Variants in RBM11 observed in about 807,000 individuals in gnomAD.
RBM11 encodes splicing regulator RBM11.
A neutral mutation model predicts 21.4 loss-of-function variants in RBM11; 18 were observed. The observed-to-expected ratio is 0.84, with a 90% CI of 0.58 to 1.25. The LOEUF (loss-of-function observed/expected upper bound fraction) is 1.25. Among genes scored for constraint, RBM11 ranks in the 50% most tolerant of loss-of-function variants. The pLI is 0.00. For missense variants in RBM11, 294 were observed against 331.9 expected (o/e 0.89, Z 0.89); for synonymous variants, 120 against 116.3 (o/e 1.03, Z -0.20).
chr21:14,228,328 A>G lies in RBM11; in HGVS notation c.*1035A>G, dbSNP rs1600970671. The G allele has an allele frequency of 6.6e-6, 1 of 152,132 alleles. No homozygotes were observed. Among genetic ancestry groups the G allele is most frequent in the African/African-American group, 2.4e-5 (1 of 41,446 alleles). The allele number at this position is 152,132 out of a possible 1,614,324, so 9.4% of individuals were successfully genotyped here. A position where few individuals can be genotyped will look rare whatever the true frequency, so the allele number is the denominator to read the frequency against. ...TCTTTTGCATGTTGCCTAGCATTTT[A>G]TAGATATTTATTATTTAAAAAAATA... On this transcript the variant is annotated 3_prime_UTR_variant, in exon 5 of 5. Transcript: ENST00000400577.
At position 14,228,184 on chromosome 21, in the gene RBM11, T is replaced by C. The variant is rs1422145925; in HGVS notation, c.*891T>C. The C allele has an allele frequency of 6.6e-6, 1 of 152,166 alleles. No individual in the cohort carries two copies. Among genetic ancestry groups the C allele is most frequent in the Non-Finnish European group, 1.5e-5 (1 of 68,036 alleles). 9.4% of individuals were successfully genotyped at this position (152,166 alleles called of 1,614,324 possible). ...AAAATTATTTGGGCATTTTTGTTTA[T>C]AGCTCATTACAAACTAGAGTGATGA... On this transcript the variant is annotated 3_prime_UTR_variant, in exon 5 of 5. Transcript: ENST00000400577.
chr21:14,220,540 T>G (rs1186031519), intron 2 of RBM11, among the ~76,000 whole-genome samples: 1 of 152,182 alleles, frequency 6.6e-6, no homozygotes, highest in Non-Finnish European at 1.5e-5. Context: ...CTCTTTGCAT[T>G]TCTTTTTTTC....
intron 3 of RBM11, among the ~76,000 whole-genome samples, chr21:14,222,088 C>CT (rs1978712202): frequency 6.6e-6 from 1 of 151,986 alleles, no homozygotes; most frequent in African/African-American, 2.4e-5. Flanking sequence ...TTTGCATTCT[C>CT]TTTGCATTTC....
At chr21:14,222,991 G>A (rs957914144) in intron 3 of RBM11, among the ~76,000 whole-genome samples, 1 of 152,162 alleles carries the variant, frequency 6.6e-6, no homozygotes, top group Admixed American at 6.5e-5. Context: ...GTGGGAAAAG[G>A]TATCTCTTCT....
chr21:14,219,643 C>A lies in RBM11; in HGVS notation c.177C>A (p.His59Gln). Reference sequence around the variant, plus strand: ...CTTTTGGATTTGTCTGCTTTAAACACCCAGAATCGGTGTCTTATGCCATAG... The same window carrying A: ...CTTTTGGATTTGTCTGCTTTAAACAACCAGAATCGGTGTCTTATGCCATAG... ...PKSFGFVCFK[H>Q]PESVSYAIAL... Residue 59 changes from histidine to glutamine, a missense_variant, in exon 2 of 5, where the codon CAC becomes CAA. By Grantham distance (24) the His-to-Gln change is conservative (BLOSUM62 0). Around this residue, in one of 2 missense-constraint regions of RBM11, gnomAD observed 181 missense variants for 164.6 expected, o/e 1.10. Transcript: ENST00000400577. 3 of 1,607,684 alleles carry A rather than the reference C, an allele frequency of 1.9e-6. No homozygotes were observed. Among genetic ancestry groups the A allele is most frequent in the Non-Finnish European group, 2.6e-6 (3 of 1,175,700 alleles).
At chr21:14,226,822 A>AT in intron 4 of RBM11, 58 bp from the exon 5 acceptor site, 2 of 1,545,018 alleles carry the variant, frequency 1.3e-6, no homozygotes, top group South Asian at 1.3e-5. Flanking sequence ...TAAACTGTTA[A>AT]TTTTTTTTCC....
intron 3 of RBM11, among the ~76,000 whole-genome samples, chr21:14,223,760 C>T (rs995987439): frequency 3.3e-5 from 5 of 152,090 alleles, no homozygotes; most frequent in African/African-American, 1.2e-4. Context: ...GCTATGCCCT[C>T]ATGTATATTT....
intron 1 of RBM11, among the ~76,000 whole-genome samples, chr21:14,217,207 A>G (rs188910780): frequency 1.2e-4 from 18 of 152,316 alleles, no homozygotes; most frequent in African/African-American, 4.1e-4. Flanking sequence ...AAAAGAGAGT[A>G]GTAGTATCTG....
At chr21:14,224,130 T>G (rs1978896256) in intron 3 of RBM11, among the ~76,000 whole-genome samples, 1 of 152,232 alleles carries the variant, frequency 6.6e-6, no homozygotes, top group Non-Finnish European at 1.5e-5. Context: ...TTCCCCTTTT[T>G]AATCAGGATA....
In RBM11 at chr21:14,219,685, T is replaced by A; in HGVS notation, c.219T>A (p.Ile73=). ...VSYAIALLNG[I]RLYGRPINVQ... ...ATGCCATAGCTTTGCTGAATGGAAT[T>A]CGTTTATATGGAAGACCAATTAACG... The change falls in exon 2 of 5, where the codon ATT becomes ATA. Residue 73 remains isoleucine (I), a synonymous_variant. Coordinates refer to ENST00000400577, the MANE Select transcript of RBM11 (RefSeq NM_144770.5). 1 of 1,607,026 alleles carries A rather than the reference T, an allele frequency of 6.2e-7. No homozygotes were observed. Among genetic ancestry groups the A allele is most frequent in the Non-Finnish European group, 8.5e-7 (1 of 1,175,268 alleles).
intron 1 of RBM11, 72 bp from the exon 2 acceptor site, chr21:14,219,491 G>T: frequency 8.4e-7 from 1 of 1,187,748 alleles, no homozygotes; most frequent in Admixed American, 3.0e-5. Flanking sequence ...TTAGTCTAAA[G>T]TTGAATTTAC....
intron 1 of RBM11, among the ~76,000 whole-genome samples, chr21:14,218,648 AT>A (rs774024820): frequency 1.8e-4 from 27 of 152,168 alleles, no homozygotes; most frequent in Non-Finnish European, 3.5e-4. Flanking sequence ...GATCATTAAT[AT>A]TTTTCTTTAG....
chr21:14,227,067 C>A lies in RBM11; in HGVS notation c.620C>A (p.Pro207His), dbSNP rs375804187. The change falls in exon 5 of 5, where the codon CCT becomes CAT. Residue 207 changes from proline to histidine, a missense_variant. Around this residue, in one of 2 missense-constraint regions of RBM11, gnomAD observed 113 missense variants for 167.3 expected, o/e 0.68. Coordinates refer to ENST00000400577, the MANE Select transcript of RBM11 (RefSeq NM_144770.5). Reference sequence around the variant, plus strand: ...CTTTATCAGATGACAGCTCCACTTCCTAATAGTGCATCCGTGTCTTCCTCA... The same window carrying A: ...CTTTATCAGATGACAGCTCCACTTCATAATAGTGCATCCGTGTCTTCCTCA... ...SDLYQMTAPL[P>H]NSASVSSSLN... 5.0e-6 allele frequency: 8 copies of A among 1,613,720 alleles called. No homozygotes were observed. In the African/African-American group the frequency reaches 1.1e-4, roughly 22 times the overall value.
At chr21:14,224,311 A>G (rs1978913055) in intron 3 of RBM11, 127 bp from the exon 4 acceptor site, 6 of 1,356,214 alleles carry the variant, frequency 4.4e-6, no homozygotes, top group Non-Finnish European at 5.9e-6. Context: ...TTCTGAATTT[A>G]CATGTGATTC....
At chr21:14,225,760 G>T (rs1979035612) in intron 4 of RBM11, among the ~76,000 whole-genome samples, 1 of 151,798 alleles carries the variant, frequency 6.6e-6, no homozygotes, top group Non-Finnish European at 1.5e-5. Flanking sequence ...TTTATCTTTT[G>T]GTAGAGATGG....
chr21:14,219,003 A>C (rs1357616750), intron 1 of RBM11, among the ~76,000 whole-genome samples: 1 of 152,202 alleles, frequency 6.6e-6, no homozygotes, highest in Non-Finnish European at 1.5e-5. Flanking sequence ...ACAATGCAAT[A>C]TACTTAAAAG....
intron 3 of RBM11, among the ~76,000 whole-genome samples, chr21:14,222,466 T>G (rs1978755855): frequency 6.6e-6 from 1 of 152,116 alleles, no homozygotes; most frequent in Non-Finnish European, 1.5e-5. Context: ...CCTATCCCTT[T>G]TAGTTATATC....
chr21:14,216,181 C>T lies in RBM11; in HGVS notation c.-6C>T. 1.2e-6 allele frequency: 2 copies of T among 1,611,974 alleles called. No homozygotes were observed. Among genetic ancestry groups the T allele is most frequent in the African/African-American group, 1.3e-5 (1 of 74,978 alleles). The stretch of plus-strand genomic sequence containing the variant: ...TCCTACTTCATTCTACGGCCGAGAC[C>T]GGAGGATGTTCCCTGCTCAGGAGGA... On this transcript the variant is annotated 5_prime_UTR_variant, in exon 1 of 5. Coordinates refer to ENST00000400577, the MANE Select transcript of RBM11 (RefSeq NM_144770.5).
At chr21:14,226,630 AAAAAAC>A (rs1361365948) in intron 4 of RBM11, among the ~76,000 whole-genome samples, 4 of 151,792 alleles carry the variant, frequency 2.6e-5, no homozygotes, top group Non-Finnish European at 2.9e-5. Flanking sequence ...AAAAAAAAAA[AAAAAAC>A]AAACAAAAAC....
Sources: gnomAD v4.1 joint callset for allele counts (sites outside exome capture counted in the v4.1 genomes callset) on GRCh38, gnomAD v4.1.1 for gene constraint, gnomAD v4.1.1 regional missense constraint, MANE v1.5 for transcripts, NCBI Gene and HGNC (gene_info 2026-07-23, HGNC 2026-07-21) for gene names.